Variants in FHIT observed in about 807,000 individuals in gnomAD.
The protein encoded by FHIT is bis(5'-adenosyl)-triphosphatase.
Under a neutral mutation model 17.9 loss-of-function variants are expected in FHIT, and 19 were observed. That is an observed-to-expected ratio of 1.06 (90% confidence interval 0.74 to 1.56). FHIT has a LOEUF of 1.56. FHIT is among the 40% of genes most tolerant of loss of function. The pLI, the probability that FHIT is intolerant of heterozygous loss-of-function variation, is 0.00. For synonymous variants in FHIT, 81 were observed against 69.7 expected (o/e 1.16, Z -0.81); for missense variants, 248 against 189.2 (o/e 1.31, Z -1.82).
At chr3:60,691,939 G>T (rs534306442) in intron 4 of FHIT, among the ~76,000 whole-genome samples, 4 of 152,154 alleles carry the variant, frequency 2.6e-5, no homozygotes, top group African/African-American at 9.6e-5. Context: ...CCTTTTCCTT[G>T]TCCATAATGA....
At chr3:60,427,746 TAAGTC>T (rs1386042407) in intron 5 of FHIT, among the ~76,000 whole-genome samples, 1 of 152,114 alleles carries the variant, frequency 6.6e-6, no homozygotes, top group African/African-American at 2.4e-5. Context: ...TCTTCTCTCT[TAAGTC>T]ATGTCCTATT....
At chr3:60,450,203 A>G (rs569334641) in intron 5 of FHIT, among the ~76,000 whole-genome samples, 2 of 139,266 alleles carry the variant, frequency 1.4e-5, no homozygotes, top group East Asian at 3.9e-4. Context: ...TTAAGGTTAC[A>G]CTAAATTTAT....
intron 2 of FHIT, among the ~76,000 whole-genome samples, chr3:61,076,427 A>G (rs2034973183): frequency 6.6e-6 from 1 of 152,148 alleles, no homozygotes; most frequent in African/African-American, 2.4e-5. Context: ...GAAAAGTGAG[A>G]TCCATCCATG....
chr3:59,880,553 T>A (rs533413120), intron 8 of FHIT, among the ~76,000 whole-genome samples: 1 of 152,312 alleles, frequency 6.6e-6, no homozygotes, highest in Non-Finnish European at 1.5e-5. Context: ...GTGCCACAAC[T>A]AAGTACCTGT....
At chr3:59,986,538 T>TACACACAC (rs1427707266) in intron 7 of FHIT, among the ~76,000 whole-genome samples, 7 of 11,380 alleles carry the variant, frequency 6.2e-4, no homozygotes, top group African/African-American at 3.2e-3. Context: ...TATATATATA[T>TACACACAC]ATACACACAC....
At chr3:60,970,168 G>C (rs1001130039) in intron 3 of FHIT, among the ~76,000 whole-genome samples, 1 of 152,092 alleles carries the variant, frequency 6.6e-6, no homozygotes, top group Non-Finnish European at 1.5e-5. Context: ...TACCTGAAGA[G>C]GTATGGTAAA....
At chr3:60,547,065 G>A (rs551927270) in intron 4 of FHIT, among the ~76,000 whole-genome samples, 92 of 152,234 alleles carry the variant, frequency 6.0e-4, no homozygotes, top group African/African-American at 2.1e-3. Flanking sequence ...GAAAATTTGT[G>A]CATCTCCAGG....
At position 61,095,568 on chromosome 3, in the gene FHIT, G is replaced by A. The variant is rs180759685; in HGVS notation, c.-163-53469C>T. 1.2e-4 allele frequency among the ~76,000 whole-genome samples: 18 copies of A among 152,206 alleles called. No individual in the cohort carries two copies. In the East Asian group the frequency reaches 3.3e-3, roughly 28 times the overall value. ...CATATCCACGAAGAATGACTCTGTA[G>A]GCATTTGCCAGTGCATTGCACAGCA... On this transcript the variant is annotated intron_variant, in intron 2 of 9. Coordinates refer to ENST00000492590, the MANE Select transcript of FHIT (RefSeq NM_002012.4).
chr3:60,241,685 C>A (rs889098508), intron 5 of FHIT, among the ~76,000 whole-genome samples: 1 of 151,952 alleles, frequency 6.6e-6, no homozygotes, highest in African/African-American at 2.4e-5. Flanking sequence ...ACTGTTTCTG[C>A]GGACCCATTC....
chr3:60,536,508 C>G (rs897902968), intron 5 of FHIT: 3 of 192,592 alleles, frequency 1.6e-5, no homozygotes, highest in Non-Finnish European at 3.1e-5. Flanking sequence ...AACAGATAAG[C>G]TGAAAACCAA....
intron 3 of FHIT, among the ~76,000 whole-genome samples, chr3:60,997,502 G>A (rs968599780): frequency 1.3e-5 from 2 of 152,162 alleles, no homozygotes; most frequent in African/African-American, 2.4e-5. Context: ...GGGTGGGAGT[G>A]TTGAGGGGGG....
intron 5 of FHIT, among the ~76,000 whole-genome samples, chr3:60,378,057 C>T (rs1362174426): frequency 6.6e-6 from 1 of 151,950 alleles, no homozygotes; most frequent in Admixed American, 6.6e-5. Context: ...GACAGAGTCT[C>T]ACCCTGTCTC....
At chr3:59,768,228 A>G (rs1701897296) in intron 8 of FHIT, among the ~76,000 whole-genome samples, 1 of 152,194 alleles carries the variant, frequency 6.6e-6, no homozygotes, top group Admixed American at 6.5e-5. Flanking sequence ...GGTCCAGTGC[A>G]ATTTCGACTC....
At chr3:60,107,530 A>C (rs1370533188) in intron 5 of FHIT, among the ~76,000 whole-genome samples, 2 of 152,342 alleles carry the variant, frequency 1.3e-5, no homozygotes, top group East Asian at 3.9e-4. Context: ...GGAAGGTCAC[A>C]AAAGTAAAGC....
chr3:59,855,657 A>C (rs1188689659), intron 8 of FHIT, among the ~76,000 whole-genome samples: 1 of 152,238 alleles, frequency 6.6e-6, no homozygotes, highest in East Asian at 1.9e-4. Flanking sequence ...ATAAGTTCAT[A>C]TTTAGCAAAA....
At chr3:59,944,149 T>C (rs1379125432) in intron 7 of FHIT, among the ~76,000 whole-genome samples, 1 of 152,226 alleles carries the variant, frequency 6.6e-6, no homozygotes, top group Non-Finnish European at 1.5e-5. Flanking sequence ...AGATCCCTGG[T>C]AGTGTACTCT....
rs377183060 is a variant in FHIT, at chr3:60,511,649, CCTTT to C, written c.103+25207_103+25210del. On this transcript the variant is annotated intron_variant, in intron 5 of 9. Coordinates refer to ENST00000492590, the MANE Select transcript of FHIT (RefSeq NM_002012.4). Reference sequence around the variant, plus strand: ...AATATATGTATACATATTTTCCAGTCCTTTCTAACAGAAGGGCCTAGAAACAATG... The same window carrying C: ...AATATATGTATACATATTTTCCAGTCCTAACAGAAGGGCCTAGAAACAATG... Among the ~76,000 whole-genome samples the C allele has an allele frequency of 6.9e-3, 1,051 of 152,218 alleles. 16 individuals are homozygous for C. The highest frequency in any genetic ancestry group is 0.024 in the African/African-American group (1,004 of 41,560).
At chr3:60,399,060 C>G (rs1377668117) in intron 5 of FHIT, among the ~76,000 whole-genome samples, 1 of 152,106 alleles carries the variant, frequency 6.6e-6, no homozygotes, top group East Asian at 1.9e-4. Context: ...GATAATCAGT[C>G]TCTTTTAGAA....
At chr3:61,155,349 T>G (rs1396506738) in intron 2 of FHIT, among the ~76,000 whole-genome samples, 26 of 152,218 alleles carry the variant, frequency 1.7e-4, no homozygotes, top group Non-Finnish European at 4.4e-5. Context: ...TTGATTGAAT[T>G]AAACTGAAGG....
Sources: gnomAD v4.1 joint callset for allele counts (sites outside exome capture counted in the v4.1 genomes callset) on GRCh38, gnomAD v4.1.1 for gene constraint, MANE v1.5 for transcripts, NCBI Gene and HGNC (gene_info 2026-07-23, HGNC 2026-07-21) for gene names.